The following TMPRSS3 variants were observed in gnomAD, a reference collection of about 807,000 sequenced individuals.
TMPRSS3 encodes transmembrane protease serine 3.
A neutral mutation model predicts 59.6 loss-of-function variants in TMPRSS3; 55 were observed. That is an observed-to-expected ratio of 0.92 (90% CI 0.74 to 1.16). The LOEUF (loss-of-function observed/expected upper bound fraction) is 1.16. TMPRSS3 is among the 50% of genes most tolerant of loss of function. The probability of loss-of-function intolerance (pLI) is 0.00; values close to 1 mark genes in which losing one functional copy is unlikely to be tolerated. For missense variants in TMPRSS3, 596 were observed against 579.4 expected, an observed-to-expected ratio of 1.03 and a Z score of -0.29; for synonymous variants, 257 against 237.7, an observed-to-expected ratio of 1.08 and a Z score of -0.75.
intron 12 of TMPRSS3, among the ~76,000 whole-genome samples, chr21:42,373,529 T>C (rs2052369526): frequency 6.6e-6 from 1 of 152,180 alleles, no homozygotes; most frequent in Non-Finnish European, 1.5e-5. Context: ...GAAGCCCCCA[T>C]GCAACACATT....
rs527651051 is a variant in TMPRSS3, at chr21:42,376,802, T to A, written c.1049-119A>T. ...GGGACGAGGGGGATGCTCTCTGGTGTGTCGCAACAGCGGAAAAGGACAGGG... is the reference window on the plus strand; with the variant it reads ...GGGACGAGGGGGATGCTCTCTGGTGAGTCGCAACAGCGGAAAAGGACAGGG... On this transcript the variant is annotated intron_variant, in intron 10 of 12. Transcript: ENST00000644384. 78 of 1,497,382 alleles carry A rather than the reference T, an allele frequency of 5.2e-5. 1 individual carries two copies. In the African/African-American group the frequency reaches 9.8e-4, roughly 19 times the overall value. 92.8% of individuals were successfully genotyped at this position (1,497,382 alleles called of 1,614,324 possible). A position where few individuals can be genotyped will look rare whatever the true frequency, so the allele number is the denominator to read the frequency against.
chr21:42,379,489 A>G (rs2052483660), intron 10 of TMPRSS3, among the ~76,000 whole-genome samples: 1 of 152,162 alleles, frequency 6.6e-6, no homozygotes, highest in Non-Finnish European at 1.5e-5. Flanking sequence ...AGCCACGCAG[A>G]CTGTGATAAT....
At chr21:42,391,830 G>T (rs1326667453) in intron 2 of TMPRSS3, among the ~76,000 whole-genome samples, 3 of 152,198 alleles carry the variant, frequency 2.0e-5, no homozygotes, top group Non-Finnish European at 4.4e-5. Context: ...TGACATCTCA[G>T]GCCCTTTACA....
chr21:42,384,856 T>C (rs2052598486), intron 6 of TMPRSS3, among the ~76,000 whole-genome samples: 1 of 152,172 alleles, frequency 6.6e-6, no homozygotes, highest in African/African-American at 2.4e-5. Context: ...GGGCAAGGCA[T>C]GTGGTCCCTG....
intron 6 of TMPRSS3, among the ~76,000 whole-genome samples, 161 bp from the exon 7 acceptor site, chr21:42,384,174 T>C (rs1011486096): frequency 7.0e-6 from 1 of 143,766 alleles, no homozygotes; most frequent in African/African-American, 2.6e-5. Context: ...AAAAAAACCA[T>C]GAGGATGAGG....
chr21:42,376,027 G>C (rs1022117879), intron 11 of TMPRSS3, among the ~76,000 whole-genome samples, 159 bp from the exon 12 acceptor site: 1 of 152,160 alleles, frequency 6.6e-6, no homozygotes, highest in South Asian at 2.1e-4. Flanking sequence ...GAACCCACCA[G>C]CCCTTCCAGA....
chr21:42,377,263 G>T (rs941858768), intron 10 of TMPRSS3, among the ~76,000 whole-genome samples: 4 of 152,236 alleles, frequency 2.6e-5, no homozygotes, highest in Non-Finnish European at 5.9e-5. Context: ...AGTCACAGGG[G>T]TCTTTGGAGG....
At position 42,376,701 on chromosome 21, in the gene TMPRSS3, AG is replaced by A; in HGVS notation, c.1049-19del. 1.9e-6 allele frequency: 3 copies of A among 1,613,726 alleles called. No individual in the cohort carries two copies. Among genetic ancestry groups the A allele is most frequent in the Non-Finnish European group, 2.5e-6 (3 of 1,179,992 alleles). ...GGCGTCACCTGCTTCAAAGTGAGTG[AG>A]GGGATGTGTGTGAGAAGGAAGCCCG... is the stretch of plus-strand genomic sequence containing the variant. On this transcript the variant is annotated intron_variant, in intron 10 of 12. Transcript: ENST00000644384.
chr21:42,392,080 G>A (rs1410407320), intron 2 of TMPRSS3, among the ~76,000 whole-genome samples: 1 of 152,190 alleles, frequency 6.6e-6, no homozygotes, highest in Non-Finnish European at 1.5e-5. Flanking sequence ...AGAGAAGCCT[G>A]CCCAGGGTCA....
intron 7 of TMPRSS3, 177 bp downstream of exon 7, chr21:42,383,793 A>G (rs2052577855): frequency 1.3e-6 from 1 of 742,798 alleles, no homozygotes; most frequent in Non-Finnish European, 2.4e-6. Flanking sequence ...GGTGAGGCCG[A>G]CAGGTGAGGA....
chr21:42,383,120 G>A lies in TMPRSS3; in HGVS notation c.695C>T (p.Ala232Val), dbSNP rs1041134847. 2 of 1,614,060 alleles carry A rather than the reference G, an allele frequency of 1.2e-6. No homozygotes were observed. The highest frequency in any genetic ancestry group is 2.7e-5 in the African/African-American group (2 of 74,944). Reference protein sequence around the residue: ...MSLLSQWPWQASLQFQGYHLC... With the variant: ...MSLLSQWPWQVSLQFQGYHLC... ...GTGGTAGCCCTGGAACTGAAGGCTGGCCTGCCAGGGCCACTGCGAGAGCAA... is the reference window on the plus strand; with the variant it reads ...GTGGTAGCCCTGGAACTGAAGGCTGACCTGCCAGGGCCACTGCGAGAGCAA... The change falls in exon 8 of 13, where the codon GCC (alanine) becomes GTC (valine). Residue 232 changes from alanine to valine, a missense_variant. Transcript: ENST00000644384.
chr21:42,389,153 C>T, intron 3 of TMPRSS3, 108 bp from the exon 4 acceptor site: 5 of 1,558,474 alleles, frequency 3.2e-6, no homozygotes, highest in South Asian at 2.3e-5. Flanking sequence ...AATAATGAAA[C>T]CTGTATTGAA....
chr21:42,395,331 A>G lies in TMPRSS3; in HGVS notation c.87T>C (p.Val29=). 1 of 1,613,872 alleles carries G rather than the reference A, an allele frequency of 6.2e-7. No individual in the cohort carries two copies. The highest frequency in any genetic ancestry group is 1.3e-5 in the African/African-American group (1 of 75,048). ...TCACCTGGGTCCACTTACCTGGTGC[A>G]ACAGGACTTATTTTCAAATCATCAA... The part of the protein sequence containing the change: ...FGLDDLKISP[V]APDADAVAAQ... The change falls in exon 2 of 13, where the codon GTT becomes GTC. Residue 29 remains valine, a synonymous_variant. Transcript: ENST00000644384.
intron 5 of TMPRSS3, among the ~76,000 whole-genome samples, chr21:42,386,661 G>A (rs1354873381): frequency 3.3e-5 from 5 of 152,184 alleles, no homozygotes; most frequent in East Asian, 1.9e-4. Flanking sequence ...CTCCAAGTAC[G>A]TGCTATTATC....
rs146621712 is a variant in TMPRSS3, at chr21:42,388,951, G to A, written c.300C>T (p.Asp100=). Residue 100 remains aspartate, a synonymous_variant, in exon 4 of 13, where the codon GAC becomes GAT. Transcript: ENST00000644384. The surrounding 1 kb of genome is among the most constrained non-coding windows in gnomAD (Gnocchi z 5.1). The part of the protein sequence containing the change: ...ARCDGVSDCK[D]GEDEYRCVRV... ...TACCACAGCGGTACTCGTCCTCCCC[G>A]TCTTTGCAATCCGAGACTCCGTCAC... 198 of 1,614,138 alleles carry A rather than the reference G, an allele frequency of 1.2e-4. No homozygotes were observed. The highest frequency in any genetic ancestry group is 1.8e-4 in the East Asian group (8 of 44,884).
rs902011957 is a variant in TMPRSS3, at chr21:42,375,234, C to A, written c.1344+482G>T. On this transcript the variant is annotated intron_variant, in intron 12 of 12. Coordinates refer to ENST00000644384, the MANE Select transcript of TMPRSS3 (RefSeq NM_001256317.3). ...GCCTCCCCCTCCGGGACCCCCCACC[C>A]CCCCACACCACCAATGCAGAGCTCC... 1.6e-3 allele frequency among the ~76,000 whole-genome samples: 227 copies of A among 145,784 alleles called. 3 individuals carry two copies. The highest frequency in any genetic ancestry group is 3.6e-4 in the Non-Finnish European group (24 of 66,162).
At chr21:42,377,787 C>T (rs879191486) in intron 10 of TMPRSS3, among the ~76,000 whole-genome samples, 4 of 152,204 alleles carry the variant, frequency 2.6e-5, no homozygotes, top group Admixed American at 2.0e-4. Context: ...GCTTCCTGCC[C>T]GGAACGTGGC....
chr21:42,386,342 AC>A (rs1313618330), intron 5 of TMPRSS3, among the ~76,000 whole-genome samples: 1 of 152,242 alleles, frequency 6.6e-6, no homozygotes, highest in Non-Finnish European at 1.5e-5. Flanking sequence ...AGTTCAGTCA[AC>A]TTTGAGTTTT....
chr21:42,372,997 C>T (rs143342351), intron 12 of TMPRSS3, among the ~76,000 whole-genome samples: 20 of 152,294 alleles, frequency 1.3e-4, no homozygotes, highest in Non-Finnish European at 1.3e-4. Context: ...GTCCCATCTC[C>T]GCCCTGCGAC....
Sources: allele counts gnomAD v4.1 joint callset (sites outside exome capture counted in the v4.1 genomes callset), GRCh38; gene constraint gnomAD v4.1.1; non-coding constraint Gnocchi (gnomAD v3.1); transcripts MANE v1.5; gene names NCBI Gene and HGNC (gene_info 2026-07-23, HGNC 2026-07-21).